Variants in GMCL2 observed in about 807,000 individuals in gnomAD.
The protein encoded by GMCL2 is germ cell-less protein-like 2.
A neutral mutation model predicts 36.2 loss-of-function variants in GMCL2; 33 were observed. The ratio of observed to expected loss-of-function variants is 0.91; its 90% confidence interval spans 0.69 to 1.22. The LOEUF is 1.22. Ranked by LOEUF, GMCL2 falls within the 50% of genes most tolerant of loss-of-function variation. GMCL2 has a pLI of 0.00. For synonymous variants in GMCL2, 172 were observed against 184.3 expected, an observed-to-expected ratio of 0.93 and a Z score of 0.54; for missense variants, 478 against 514.5, an observed-to-expected ratio of 0.93 and a Z score of 0.69.
At position 178,186,497 on chromosome 5, in the gene GMCL2, A is replaced by G. The variant is rs751830527; in HGVS notation, c.803T>C (p.Val268Ala). 1 of 1,417,188 alleles carries G rather than the reference A, an allele frequency of 7.1e-7. No individual in the cohort carries two copies. Among genetic ancestry groups the G allele is most frequent in the African/African-American group, 1.4e-5 (1 of 71,328 alleles). The allele number at this position is 1,417,188 out of a possible 1,614,324, so 87.8% of individuals were successfully genotyped here. Residue 268 changes from valine to alanine, a missense_variant, in exon 1 of 1, where the codon GTG (valine) becomes GCG (alanine). By Grantham distance (64) the Val-to-Ala change is moderately conservative. This residue lies in a region of GMCL2 where 175 missense variants were observed against 208.0 expected (regional missense o/e 0.84). Transcript: ENST00000463439. Reference protein sequence around the residue: ...KQLIGSSNLFVMQVEMDVYTT... With the variant: ...KQLIGSSNLFAMQVEMDVYTT... ...GTATACATCCATCTCCACTTGCATCACAAATAAGTTAGAGGAACCAATGAG... is the reference window on the plus strand; with the variant it reads ...GTATACATCCATCTCCACTTGCATCGCAAATAAGTTAGAGGAACCAATGAG...
In GMCL2 at chr5:178,185,990, T is replaced by C. The variant is rs746619454; in HGVS notation, c.1310A>G (p.Asn437Ser). Residue 437 changes from asparagine (N) to serine (S), a missense_variant, in exon 1 of 1, where the codon AAT (asparagine) becomes AGT (serine). Transcript: ENST00000463439. ...GYIIFKRNTL[N>S]QPRSGSVSLR... ...ACTGACAGACCCGCTGCGTGGCTGA[T>C]TCAGTGTATTGCGTTTGAAAATGAT... 4 of 767,178 alleles carry C rather than the reference T, an allele frequency of 5.2e-6. No individual in the cohort carries two copies. The highest frequency in any genetic ancestry group is 9.7e-6 in the Non-Finnish European group (4 of 410,724). 47.5% of individuals were successfully genotyped at this position (767,178 alleles called of 1,614,324 possible).
chr5:178,184,762 C>A lies in GMCL2; in HGVS notation c.*957G>T, dbSNP rs1309300874. Among the ~76,000 whole-genome samples, 1 of 152,130 alleles carries A rather than the reference C, an allele frequency of 6.6e-6. No homozygotes were observed. The highest frequency in any genetic ancestry group is 2.4e-5 in the African/African-American group (1 of 41,420). On this transcript the variant is annotated 3_prime_UTR_variant, in exon 1 of 1. Coordinates refer to ENST00000463439, the MANE Select transcript of GMCL2 (RefSeq NM_001358008.2). ...TCAGCTTCTATGTTAGATCCTCTGA[C>A]CTTATTTACATTTACTATGAAATTG...
chr5:178,184,669 T>C lies in GMCL2; in HGVS notation c.*1050A>G, dbSNP rs1756669510. Among the ~76,000 whole-genome samples, 1 of 152,166 alleles carries C rather than the reference T, an allele frequency of 6.6e-6. No individual in the cohort carries two copies. Among genetic ancestry groups the C allele is most frequent in the Non-Finnish European group, 1.5e-5 (1 of 68,020 alleles). ...GCAGTAAACACAAAAGGTCAACATA[T>C]ATAAATCATGACAAGTGTACATCTT... On this transcript the variant is annotated 3_prime_UTR_variant, in exon 1 of 1. Coordinates refer to ENST00000463439, the MANE Select transcript of GMCL2 (RefSeq NM_001358008.2).
chr5:178,186,455 C>A lies in GMCL2; in HGVS notation c.845G>T (p.Trp282Leu). Residue 282 changes from tryptophan (W) to leucine (L), a missense_variant, in exon 1 of 1, where the codon TGG (tryptophan) becomes TTG (leucine). By Grantham distance (61) the Trp-to-Leu change is moderately conservative. This residue lies in a region of GMCL2 where 175 missense variants were observed against 208.0 expected (regional missense o/e 0.84). Transcript: ENST00000463439. ...EMDVYTTLKK[W>L]MFLQLVPSWN... ...AGAAGGCACAAGTTGAAGGAACATC[C>A]ACTTTTTTAGAGTGGTGTATACATC... The A allele has an allele frequency of 6.3e-7, 1 of 1,599,090 alleles. No homozygotes were observed. The highest frequency in any genetic ancestry group is 1.1e-5 in the South Asian group (1 of 90,754).
At position 178,186,435 on chromosome 5, in the gene GMCL2, G is replaced by A; in HGVS notation, c.865C>T (p.Pro289Ser). 1.2e-6 allele frequency: 2 copies of A among 1,610,024 alleles called. No individual in the cohort carries two copies. The highest frequency in any genetic ancestry group is 1.7e-6 in the Non-Finnish European group (2 of 1,176,240). ...TGTTTTAAAGATCCATTCCAAGAAG[G>A]CACAAGTTGAAGGAACATCCACTTT... Reference protein sequence around the residue: ...LKKWMFLQLVPSWNGSLKQLL... With the variant: ...LKKWMFLQLVSSWNGSLKQLL... The change falls in exon 1 of 1, where the codon CCT (proline) becomes TCT (serine). Residue 289 changes from proline (P) to serine (S), a missense_variant. Coordinates refer to ENST00000463439, the MANE Select transcript of GMCL2 (RefSeq NM_001358008.2).
chr5:178,186,513 A>C lies in GMCL2; in HGVS notation c.787T>G (p.Ser263Ala), dbSNP rs753205951. The C allele has an allele frequency of 2.2e-5, 30 of 1,339,238 alleles. No individual in the cohort carries two copies. Among genetic ancestry groups the C allele is most frequent in the Non-Finnish European group, 3.2e-5 (30 of 929,300 alleles). 83.0% of individuals were successfully genotyped at this position (1,339,238 alleles called of 1,614,324 possible). Residue 263 changes from serine to alanine, a missense_variant, in exon 1 of 1, where the codon TCC becomes GCC. Ser to Ala is a moderately conservative substitution (Grantham distance 99, BLOSUM62 1). Coordinates refer to ENST00000463439, the MANE Select transcript of GMCL2 (RefSeq NM_001358008.2). ...GINVMKQLIG[S>A]SNLFVMQVEM... ...ACTTGCATCACAAATAAGTTAGAGG[A>C]ACCAATGAGCTGTTTCATGACATTT... is the stretch of plus-strand genomic sequence containing the variant.
chr5:178,187,150 G>C lies in GMCL2; in HGVS notation c.150C>G (p.His50Gln). ...SYGFCYCPGS[H>Q]KRKRSSGACR... Reference sequence around the variant, plus strand: ...AGGCCCCGCTGCTCCGCTTGCGCTTGTGACTGCCCGGGCAGTAACAGAAGC... The same window carrying C: ...AGGCCCCGCTGCTCCGCTTGCGCTTCTGACTGCCCGGGCAGTAACAGAAGC... The change falls in exon 1 of 1, where the codon CAC becomes CAG. Residue 50 changes from histidine to glutamine, a missense_variant. Coordinates refer to ENST00000463439, the MANE Select transcript of GMCL2 (RefSeq NM_001358008.2). The C allele has an allele frequency of 3.4e-6, 4 of 1,183,348 alleles. No individual in the cohort carries two copies. Among genetic ancestry groups the C allele is most frequent in the Non-Finnish European group, 4.9e-6 (4 of 810,436 alleles). 73.3% of individuals were successfully genotyped at this position (1,183,348 alleles called of 1,614,324 possible).
chr5:178,187,280 C>CGGCT, the GMCL2 span: 1 of 919,676 alleles, frequency 1.1e-6, no homozygotes, highest in Non-Finnish European at 1.7e-6. Flanking sequence ...GCCCAGCACC[C>CGGCT]GGCTGCTCGA....
rs1756710993 is a variant in GMCL2, at chr5:178,186,928, T to C, written c.372A>G (p.Ile124Met). 6.4e-7 allele frequency: 1 copy of C among 1,557,274 alleles called. No homozygotes were observed. Among genetic ancestry groups the C allele is most frequent in the South Asian group, 1.1e-5 (1 of 89,986 alleles). Residue 124 changes from isoleucine to methionine, a missense_variant, in exon 1 of 1, where the codon ATA (isoleucine) becomes ATG (methionine). By Grantham distance (10) the Ile-to-Met change is conservative (BLOSUM62 1). Around this residue, in one of 5 missense-constraint regions of GMCL2, gnomAD observed 36 missense variants for 78.1 expected, o/e 0.46. Transcript: ENST00000463439. ...ALGEEWRLHK[I>M]YLCQSGYFSS... ...AAAAGTAGCCAGATTGACATAAATATATTTTGTGTAATCGCCATTCTTCTC... is the reference window on the plus strand; with the variant it reads ...AAAAGTAGCCAGATTGACATAAATACATTTTGTGTAATCGCCATTCTTCTC...
Position 178,186,778 on chromosome 5 carries a change from G to T in GMCL2, c.522C>A (p.Val174=), listed in dbSNP as rs777309421. ...CAACAACTCGACTGGGTTTTATCAAGACATCATCTCGATACAGTGAACCAA... is the reference window on the plus strand; with the variant it reads ...CAACAACTCGACTGGGTTTTATCAATACATCATCTCGATACAGTGAACCAA... ...VAFGSLYRDD[V]LIKPSRVVAI... The change falls in exon 1 of 1, where the codon GTC becomes GTA. Residue 174 remains valine, a synonymous_variant. Transcript: ENST00000463439. 1 of 1,609,414 alleles carries T rather than the reference G, an allele frequency of 6.2e-7. No individual in the cohort carries two copies. The highest frequency in any genetic ancestry group is 2.2e-5 in the East Asian group (1 of 44,870).
chr5:178,186,719 T>A lies in GMCL2; in HGVS notation c.581A>T (p.Asp194Val), dbSNP rs764453508. The change falls in exon 1 of 1, where the codon GAT (aspartate) becomes GTT (valine). Residue 194 changes from aspartate to valine, a missense_variant. Around this residue, in one of 5 missense-constraint regions of GMCL2, gnomAD observed 175 missense variants for 208.0 expected, o/e 0.84. Transcript: ENST00000463439. ...ILAAACMLQL[D>V]GLIQQCGETM... ...CTCACCACACTGCTGTATTAAACCATCCAGCTGCAGCATACAAGCTGCTGC... is the reference window on the plus strand; with the variant it reads ...CTCACCACACTGCTGTATTAAACCAACCAGCTGCAGCATACAAGCTGCTGC... The A allele has an allele frequency of 3.3e-6, 5 of 1,505,434 alleles. No individual in the cohort carries two copies. Among genetic ancestry groups the A allele is most frequent in the Non-Finnish European group, 3.7e-6 (4 of 1,080,968 alleles). The allele number at this position is 1,505,434 out of a possible 1,614,324, so 93.3% of individuals were successfully genotyped here.
chr5:178,186,672 CATTA>C, the GMCL2 span: 1 of 1,236,418 alleles, frequency 8.1e-7, no homozygotes, highest in Non-Finnish European at 1.2e-6. Context: ...ACAGTTTTCA[CATTA>C]ATTGTTTCCT....
Position 178,187,219 on chromosome 5 carries a change from G to A in GMCL2, c.81C>T (p.Gly27=), listed in dbSNP as rs142630867. 15,249 of 1,156,026 alleles carry A rather than the reference G, an allele frequency of 0.013. 154 individuals carry two copies. The highest frequency in any genetic ancestry group is 0.023 in the South Asian group (1,735 of 76,306). 71.6% of individuals were successfully genotyped at this position (1,156,026 alleles called of 1,614,324 possible). The part of the protein sequence containing the change: ...AQQEQGARAR[G]SARRPDTGDD... ...CTCCAGTGTCCGGCCTCCGGGCCGA[G>A]CCCCTGGCCCTGGCACCCTGTTCCT... is the stretch of plus-strand genomic sequence containing the variant. The change falls in exon 1 of 1, where the codon GGC becomes GGT. Residue 27 remains glycine, a synonymous_variant. Coordinates refer to ENST00000463439, the MANE Select transcript of GMCL2 (RefSeq NM_001358008.2).
chr5:178,186,721 C>T lies in GMCL2; in HGVS notation c.579G>A (p.Leu193=), dbSNP rs1158221920. 1 of 1,514,346 alleles carries T rather than the reference C, an allele frequency of 6.6e-7. No homozygotes were observed. The highest frequency in any genetic ancestry group is 9.2e-7 in the Non-Finnish European group (1 of 1,089,136). 93.8% of individuals were successfully genotyped at this position (1,514,346 alleles called of 1,614,324 possible). Residue 193 remains leucine, a synonymous_variant, in exon 1 of 1, where the codon CTG becomes CTA. Transcript: ENST00000463439. The part of the protein sequence containing the change: ...AILAAACMLQ[L]DGLIQQCGET... ...CACCACACTGCTGTATTAAACCATC[C>T]AGCTGCAGCATACAAGCTGCTGCCA...
Position 178,185,540 on chromosome 5 carries a change from A to G in GMCL2, c.*179T>C, listed in dbSNP as rs7715462. ...CAGATATTTTCTTGGCTTTAAAATG[A>G]TTTTTTTTGTATATGCATAGAAATG... On this transcript the variant is annotated 3_prime_UTR_variant, in exon 1 of 1. Transcript: ENST00000463439. Among the ~76,000 whole-genome samples, 150,945 of 152,366 alleles carry G rather than the reference A, an allele frequency of 0.99. 74,781 individuals are homozygous for G. The highest frequency in any genetic ancestry group is 1 in the Middle Eastern group (294 of 294).
rs1026833114 is a variant in GMCL2 at position 178,184,952 on chromosome 5, C to T, written c.*767G>A. On this transcript the variant is annotated 3_prime_UTR_variant, in exon 1 of 1. Coordinates refer to ENST00000463439, the MANE Select transcript of GMCL2 (RefSeq NM_001358008.2). ...ATCTGGTACATAAATAACTCAAAAA[C>T]TAATAATAAAGGTGTACAGACTGTC... 2.6e-5 allele frequency among the ~76,000 whole-genome samples: 4 copies of T among 151,966 alleles called. No homozygotes were observed. The highest frequency in any genetic ancestry group is 5.9e-5 in the Non-Finnish European group (4 of 67,976).
rs554539195 is a variant in GMCL2 at position 178,184,719 on chromosome 5, T to G, written c.*1000A>C. 3.9e-5 allele frequency among the ~76,000 whole-genome samples: 6 copies of G among 152,316 alleles called. No individual in the cohort carries two copies. Among genetic ancestry groups the G allele is most frequent in the Admixed American group, 3.3e-4 (5 of 15,294 alleles). On this transcript the variant is annotated 3_prime_UTR_variant, in exon 1 of 1. Transcript: ENST00000463439. ...TATTTTTGACAAAAATAAGTTCCATTTTTACATTAATGCGTCATCAGCTTC... is the reference window on the plus strand; with the variant it reads ...TATTTTTGACAAAAATAAGTTCCATGTTTACATTAATGCGTCATCAGCTTC...
Position 178,186,929 on chromosome 5 carries a change from A to G in GMCL2, c.371T>C (p.Ile124Thr), listed in dbSNP as rs768884300. 5 of 1,552,132 alleles carry G rather than the reference A, an allele frequency of 3.2e-6. No individual in the cohort carries two copies. Among genetic ancestry groups the G allele is most frequent in the Non-Finnish European group, 4.5e-6 (5 of 1,123,232 alleles). Residue 124 changes from isoleucine to threonine, a missense_variant, in exon 1 of 1, where the codon ATA becomes ACA. Ile to Thr is a moderately conservative substitution (Grantham distance 89, BLOSUM62 -1). This residue lies in a region of GMCL2 where 36 missense variants were observed against 78.1 expected (regional missense o/e 0.46). Coordinates refer to ENST00000463439, the MANE Select transcript of GMCL2 (RefSeq NM_001358008.2). ...ALGEEWRLHK[I>T]YLCQSGYFSS... ...AAAGTAGCCAGATTGACATAAATAT[A>G]TTTTGTGTAATCGCCATTCTTCTCC...
Position 178,187,235 on chromosome 5 carries a change from C to T in GMCL2, c.65G>A (p.Gly22Asp). 9.3e-7 allele frequency: 1 copy of T among 1,077,060 alleles called. No individual in the cohort carries two copies. The allele number at this position is 1,077,060 out of a possible 1,614,324, so 66.7% of individuals were successfully genotyped here. A position where few individuals can be genotyped will look rare whatever the true frequency, so the allele number is the denominator to read the frequency against. ...CCGGGCCGAGCCCCTGGCCCTGGCA[C>T]CCTGTTCCTGCTGGGCAAGGGCTCG... is the stretch of plus-strand genomic sequence containing the variant. ...PRRALAQQEQ[G>D]ARARGSARRP... The change falls in exon 1 of 1, where the codon GGT becomes GAT. Residue 22 changes from glycine (G) to aspartate (D), a missense_variant. This residue lies in a region of GMCL2 where 127 missense variants were observed against 86.4 expected (regional missense o/e 1.47). Transcript: ENST00000463439.
Sources: gnomAD v4.1 joint callset for allele counts (sites outside exome capture counted in the v4.1 genomes callset) on GRCh38, gnomAD v4.1.1 for gene constraint, gnomAD v4.1.1 regional missense constraint, MANE v1.5 for transcripts, NCBI Gene and HGNC (gene_info 2026-07-23, HGNC 2026-07-21) for gene names.